Variants in SUPT5H observed in about 807,000 individuals in gnomAD.
SUPT5H encodes SPT5 homolog, DSIF elongation factor subunit, also known as transcription elongation factor SPT5.
In SUPT5H, 24 loss-of-function variants were observed where a neutral mutation model predicts 142.5. The observed-to-expected ratio is 0.17, with a 90% confidence interval of 0.12 to 0.24. The LOEUF (loss-of-function observed/expected upper bound fraction) is 0.24, where lower values mean the gene tolerates loss of function less well. Ranked by LOEUF, SUPT5H falls within the 10% of genes least tolerant of loss-of-function variation. SUPT5H has a pLI of 1.00. For missense variants in SUPT5H, 893 were observed against 1,471.8 expected (o/e 0.61, Z 6.43); for synonymous variants, 546 against 553.0 (o/e 0.99, Z 0.18).
intron 14 of SUPT5H, 57 bp downstream of exon 14, chr19:39,468,918 T>C: frequency 1.3e-6 from 2 of 1,571,018 alleles, no homozygotes; most frequent in Admixed American, 3.3e-5. Context: ...CTCCTGCAGG[T>C]GATGCCCTGG....
intron 20 of SUPT5H, 89 bp downstream of exon 20, chr19:39,471,819 T>G (rs1234455977): frequency 6.7e-7 from 1 of 1,501,524 alleles, no homozygotes; most frequent in African/African-American, 1.4e-5. Context: ...AAGATTGGGC[T>G]TGTGAGGGAT....
Position 39,470,477 on chromosome 19 carries a change from C to G in SUPT5H, c.1631C>G (p.Pro544Arg). ...TGGGGCGAGCTGGTGCAGCTGGATC[C>G]CCAGACTGTGGGTGTCATCGTGCGA... ...HEWGELVQLD[P>R]QTVGVIVRLE... Residue 544 changes from proline to arginine, a missense_variant, in exon 18 of 30, where the codon CCC becomes CGC. Around this residue, in one of 6 missense-constraint regions of SUPT5H, gnomAD observed 428 missense variants for 763.5 expected, o/e 0.56. Coordinates refer to ENST00000432763, the MANE Select transcript of SUPT5H (RefSeq NM_001111020.3). The surrounding 1 kb of genome is among the most constrained non-coding windows in gnomAD (Gnocchi z 5.8). 1 of 1,601,228 alleles carries G rather than the reference C, an allele frequency of 6.2e-7. No homozygotes were observed. The highest frequency in any genetic ancestry group is 8.5e-7 in the Non-Finnish European group (1 of 1,172,922).
At chr19:39,447,421 A>C (rs1195689041) in intron 2 of SUPT5H, among the ~76,000 whole-genome samples, 1 of 146,226 alleles carries the variant, frequency 6.8e-6, no homozygotes, top group Non-Finnish European at 1.5e-5. Flanking sequence ...GGCATTTCTG[A>C]TTTCAAATGT....
intron 10 of SUPT5H, among the ~76,000 whole-genome samples, chr19:39,462,931 C>T (rs529779574): frequency 6.7e-6 from 1 of 150,208 alleles, no homozygotes; most frequent in Admixed American, 6.6e-5. Flanking sequence ...CCTGCACCTC[C>T]CGGGTTCAAG....
chr19:39,448,730 TA>T (rs1343976962), intron 2 of SUPT5H, among the ~76,000 whole-genome samples: 1 of 151,926 alleles, frequency 6.6e-6, no homozygotes, highest in Admixed American at 6.6e-5. Context: ...GGATGGCAAA[TA>T]ATGAGCTACT....
intron 2 of SUPT5H, among the ~76,000 whole-genome samples, chr19:39,452,038 T>G (rs1236201883): frequency 1.3e-5 from 2 of 152,076 alleles, no homozygotes; most frequent in African/African-American, 2.4e-5. Context: ...TAGAGGGCAG[T>G]GTCCTGGCCT....
chr19:39,457,660 G>C lies in SUPT5H; in HGVS notation c.242-15G>C. On this transcript the variant is annotated splice_polypyrimidine_tract_variant and intron_variant, in intron 3 of 29. Coordinates refer to ENST00000432763, the MANE Select transcript of SUPT5H (RefSeq NM_001111020.3). Reference sequence around the variant, plus strand: ...GGTCACCTTTGCCACTTACCACTTGGCCTTTCCGTTTTAGATGTTGACGAT... The same window carrying C: ...GGTCACCTTTGCCACTTACCACTTGCCCTTTCCGTTTTAGATGTTGACGAT... The C allele has an allele frequency of 6.2e-7, 1 of 1,612,548 alleles. No homozygotes were observed. The highest frequency in any genetic ancestry group is 1.1e-5 in the South Asian group (1 of 91,032).
At chr19:39,468,883 T>A in intron 14 of SUPT5H, 22 bp downstream of exon 14, 1 of 1,610,330 alleles carries the variant, frequency 6.2e-7, no homozygotes. Flanking sequence ...AGAGGGGTGT[T>A]GGTAATGGGG....
At chr19:39,454,789 CTG>C (rs745391411) in intron 3 of SUPT5H, among the ~76,000 whole-genome samples, 1 of 152,198 alleles carries the variant, frequency 6.6e-6, no homozygotes, top group Non-Finnish European at 1.5e-5. Flanking sequence ...CATCCTGCCT[CTG>C]TTTTCCTGGG....
At position 39,458,711 on chromosome 19, in the gene SUPT5H, C is replaced by T. The variant is rs1431686588; in HGVS notation, c.320-107C>T. The stretch of plus-strand genomic sequence containing the variant: ...GATTTCCTCTGTGAGATGTCATCTT[C>T]CTGCCCCAGGGCCAAACCCTGGCCC... On this transcript the variant is annotated intron_variant, in intron 5 of 29. Transcript: ENST00000432763. The surrounding 1 kb of genome is among the most constrained non-coding windows in gnomAD (Gnocchi z 4.2). The T allele has an allele frequency of 3.9e-5, 41 of 1,048,084 alleles. No homozygotes were observed. Among genetic ancestry groups the T allele is most frequent in the Non-Finnish European group, 2.9e-5 (21 of 723,292 alleles). 64.9% of individuals were successfully genotyped at this position (1,048,084 alleles called of 1,614,324 possible).
In SUPT5H at chr19:39,470,392, C is replaced by G; in HGVS notation, c.1546C>G (p.Arg516Gly). 2 of 1,581,236 alleles carry G rather than the reference C, an allele frequency of 1.3e-6. No individual in the cohort carries two copies. Among genetic ancestry groups the G allele is most frequent in the East Asian group, 2.3e-5 (1 of 44,086 alleles). Residue 516 changes from arginine (R) to glycine (G), a missense_variant, in exon 18 of 30, where the codon CGG becomes GGG. Around this residue, in one of 6 missense-constraint regions of SUPT5H, gnomAD observed 428 missense variants for 763.5 expected, o/e 0.56. Coordinates refer to ENST00000432763, the MANE Select transcript of SUPT5H (RefSeq NM_001111020.3). The surrounding 1 kb of genome is among the most constrained non-coding windows in gnomAD (Gnocchi z 5.8). ...LTMHELKVLP[R>G]DLQLCSETAS... ...TCCCTGGCAGCTGAAGGTGCTCCCCCGGGACCTGCAGCTCTGCTCAGAGAC... is the reference window on the plus strand; with the variant it reads ...TCCCTGGCAGCTGAAGGTGCTCCCCGGGGACCTGCAGCTCTGCTCAGAGAC...
In SUPT5H at chr19:39,472,825, T is replaced by G; in HGVS notation, c.2051T>G (p.Phe684Cys). ...HPSAGGQRGG[F>C]GSPGGGSGGM... ...CAATCCCCAGGTCAGCGTGGCGGCTTTGGTAGCCCAGGTGGCGGCAGTGGT... is the reference window on the plus strand; with the variant it reads ...CAATCCCCAGGTCAGCGTGGCGGCTGTGGTAGCCCAGGTGGCGGCAGTGGT... The change falls in exon 22 of 30, where the codon TTT becomes TGT. Residue 684 changes from phenylalanine to cysteine, a missense_variant. Physicochemically the swap from Phe to Cys is radical, Grantham distance 205. Transcript: ENST00000432763. The surrounding 1 kb of genome is among the most constrained non-coding windows in gnomAD (Gnocchi z 4.2). 1 of 1,613,200 alleles carries G rather than the reference T, an allele frequency of 6.2e-7. No individual in the cohort carries two copies. Among genetic ancestry groups the G allele is most frequent in the Non-Finnish European group, 8.5e-7 (1 of 1,179,570 alleles).
At position 39,458,355 on chromosome 19, in the gene SUPT5H, A is replaced by G. The variant is rs372352818; in HGVS notation, c.319+50A>G. ...CCTGACCTTCCTCCCATATCCTGAC[A>G]TTTCCTCCTTCCTGAGGCACCTGCC... On this transcript the variant is annotated intron_variant, in intron 5 of 29. Coordinates refer to ENST00000432763, the MANE Select transcript of SUPT5H (RefSeq NM_001111020.3). The surrounding 1 kb of genome is among the most constrained non-coding windows in gnomAD (Gnocchi z 4.2). 5 of 1,560,730 alleles carry G rather than the reference A, an allele frequency of 3.2e-6. No individual in the cohort carries two copies. The African/African-American group carries it at 6.8e-5, about 21-fold the overall frequency.
Position 39,458,840 on chromosome 19 carries a change from C to T in SUPT5H, c.342C>T (p.Val114=), listed in dbSNP as rs2079124534. The T allele has an allele frequency of 1.2e-6, 2 of 1,613,300 alleles. No individual in the cohort carries two copies. The highest frequency in any genetic ancestry group is 1.1e-5 in the South Asian group (1 of 90,976). The part of the protein sequence containing the change: ...EIEASNIDNV[V]LDEDRSGARR... Reference sequence around the variant, plus strand: ...CAGCCTCCAATATCGATAATGTTGTCCTGGATGAAGATCGTTCTGGGGCTC... The same window carrying T: ...CAGCCTCCAATATCGATAATGTTGTTCTGGATGAAGATCGTTCTGGGGCTC... Residue 114 remains valine, a synonymous_variant, in exon 6 of 30, where the codon GTC becomes GTT. Coordinates refer to ENST00000432763, the MANE Select transcript of SUPT5H (RefSeq NM_001111020.3). The surrounding 1 kb of genome is among the most constrained non-coding windows in gnomAD (Gnocchi z 4.2).
rs533322302 is a variant in SUPT5H at position 39,461,247 on chromosome 19, G to A, written c.624+1287G>A. 3.9e-5 allele frequency among the ~76,000 whole-genome samples: 6 copies of A among 152,060 alleles called. No individual in the cohort carries two copies. In the South Asian group the frequency reaches 1.0e-3, roughly 26 times the overall value. On this transcript the variant is annotated intron_variant, in intron 10 of 29. Coordinates refer to ENST00000432763, the MANE Select transcript of SUPT5H (RefSeq NM_001111020.3). ...AGAGGTTACAGTGAGCCAAGACTGC[G>A]CTATTGCACTCCAGCCTGGGCGACA...
rs1418185587 is a variant in SUPT5H, at chr19:39,445,828, C to T, written c.-63C>T. ...GGGAACCAGCGGGGAAACTGAGGCT[C>T]GGGGTGGAGCGCAGGATTGTGGGAC... is the stretch of plus-strand genomic sequence containing the variant. On this transcript the variant is annotated 5_prime_UTR_variant, in exon 2 of 30. Transcript: ENST00000432763. 5 of 1,578,912 alleles carry T rather than the reference C, an allele frequency of 3.2e-6. No homozygotes were observed. Among genetic ancestry groups the T allele is most frequent in the African/African-American group, 1.3e-5 (1 of 74,456 alleles).
chr19:39,445,608 G>C lies in SUPT5H; in HGVS notation c.-117G>C, dbSNP rs537137961. On this transcript the variant is annotated 5_prime_UTR_variant, in exon 1 of 30. Coordinates refer to ENST00000432763, the MANE Select transcript of SUPT5H (RefSeq NM_001111020.3). The stretch of plus-strand genomic sequence containing the variant: ...GTCAGGCGTCGTGCGAACAGCAGCT[G>C]GTACCGAAGGCGGAGGTGGAGCCCG... 2.0e-5 allele frequency: 9 copies of C among 442,122 alleles called. No homozygotes were observed. The highest frequency in any genetic ancestry group is 1.4e-4 in the African/African-American group (7 of 51,170). The allele number at this position is 442,122 out of a possible 1,614,324, so 27.4% of individuals were successfully genotyped here.
At chr19:39,457,485 C>T (rs1309487939) in intron 3 of SUPT5H, among the ~76,000 whole-genome samples, 190 bp from the exon 4 acceptor site, 5 of 152,118 alleles carry the variant, frequency 3.3e-5, no homozygotes, top group Non-Finnish European at 7.4e-5. Context: ...AGCTGTATGT[C>T]CCCCTCGATC....
Position 39,445,950 on chromosome 19 carries a change from C to A in SUPT5H, c.60C>A (p.Asp20Glu). 1.4e-5 allele frequency: 22 copies of A among 1,613,112 alleles called. No individual in the cohort carries two copies. The highest frequency in any genetic ancestry group is 1.9e-5 in the Non-Finnish European group (22 of 1,179,952). Reference protein sequence around the residue: ...SEEEDSERSSDGEEAEVDEER... With the variant: ...SEEEDSERSSEGEEAEVDEER... ...AGGAGGACAGCGAGCGCAGCAGTGACGGCGAGGAGGCCGAGGTCTGTGGCT... is the reference window on the plus strand; with the variant it reads ...AGGAGGACAGCGAGCGCAGCAGTGAAGGCGAGGAGGCCGAGGTCTGTGGCT... The change falls in exon 2 of 30, where the codon GAC becomes GAA. Residue 20 changes from aspartate (D) to glutamate (E), a missense_variant. By Grantham distance (45) the Asp-to-Glu change is conservative. Around this residue, in one of 6 missense-constraint regions of SUPT5H, gnomAD observed 70 missense variants for 70.5 expected, o/e 0.99. Transcript: ENST00000432763.
Sources: gnomAD v4.1 joint callset for allele counts (sites outside exome capture counted in the v4.1 genomes callset) on GRCh38, gnomAD v4.1.1 for gene constraint, gnomAD v4.1.1 regional missense constraint, Gnocchi (gnomAD v3.1) non-coding constraint, MANE v1.5 for transcripts, NCBI Gene and HGNC (gene_info 2026-07-23, HGNC 2026-07-21) for gene names.